The following MTERF4 variants were observed in gnomAD, a reference collection of about 807,000 sequenced individuals.
The protein encoded by MTERF4 is transcription termination factor 4, mitochondrial.
MTERF4 carries 17 observed loss-of-function variants against 22.5 expected under a neutral mutation model. That is an observed-to-expected ratio of 0.75 (90% CI 0.52 to 1.13). The LOEUF is 1.13. MTERF4 is among the 50% of genes most tolerant of loss of function. MTERF4 has a pLI of 0.00. For synonymous variants in MTERF4, 165 were observed against 175.3 expected, an observed-to-expected ratio of 0.94 and a Z score of 0.47; for missense variants, 420 against 466.8, an observed-to-expected ratio of 0.90 and a Z score of 0.92.
At chr2:241,069,366 C>T (rs182011918), downstream of MTERF4, among the ~76,000 whole-genome samples, 1 of 152,332 alleles carries the variant, frequency 6.6e-6, no homozygotes, top group Admixed American at 6.5e-5. This position sits in a 1 kb window ranked among gnomAD's most constrained non-coding sequence, Gnocchi z 4.9. Context: ...CCAGCCCCCT[C>T]TAGCTAAGCT....
the MTERF4 span, chr2:241,065,709 C>CT: frequency 8.9e-6 from 8 of 895,708 alleles, no homozygotes; most frequent in Non-Finnish European, 1.4e-5. Context: ...GTTCTTGCAG[C>CT]AGCAAGACAG....
the MTERF4 span, among the ~76,000 whole-genome samples, chr2:241,058,434 G>A: frequency 2.6e-5 from 4 of 152,030 alleles, no homozygotes; most frequent in African/African-American, 9.7e-5. Flanking sequence ...GAGGAATAAA[G>A]GTAAAAGCCA....
At chr2:241,094,015 T>G (rs1159284161), downstream of MTERF4, 3 of 257,510 alleles carry the variant, frequency 1.2e-5, no homozygotes, top group Non-Finnish European at 2.3e-5. This position sits in a 1 kb window ranked among gnomAD's most constrained non-coding sequence, Gnocchi z 4.3. Flanking sequence ...GTCCTCCGAC[T>G]GGGTACAACA....
the MTERF4 span, chr2:241,049,955 G>A: frequency 6.3e-7 from 1 of 1,586,438 alleles, no homozygotes; most frequent in East Asian, 2.2e-5. Flanking sequence ...AGGGGCGTCC[G>A]GGCCGGCGTC....
Position 241,076,531 on chromosome 2 carries a change from C to CTA in MTERF4, n.480-851_480-850dup, listed in dbSNP as rs907179204. On this transcript the variant is annotated intron_variant and non_coding_transcript_variant, in intron 4 of 4. Transcript: ENST00000464344. ...CTTGTCATACATTCTTTGGGGTTTT[C>CTA]TATATATATATAAAATCATATCCTT... Among the ~76,000 whole-genome samples the CTA allele has an allele frequency of 9.2e-5, 14 of 152,112 alleles. No individual in the cohort carries two copies. The East Asian group carries it at 1.7e-3, about 19-fold the overall frequency.
downstream of MTERF4, chr2:241,094,746 G>T: frequency 5.4e-6 from 1 of 185,354 alleles, no homozygotes; most frequent in Non-Finnish European, 1.1e-5. The surrounding 1 kb of genome is among the most constrained non-coding windows in gnomAD (Gnocchi z 4.3). Context: ...CAGCACCCCT[G>T]GCCTCTACCC....
At chr2:241,081,490 C>G (rs574864230) in intron 4 of MTERF4, among the ~76,000 whole-genome samples, 39 of 152,330 alleles carry the variant, frequency 2.6e-4, no homozygotes, top group African/African-American at 8.4e-4. Flanking sequence ...CACCTCTGCT[C>G]TCTCTCAACA....
At chr2:241,090,517 A>AT, downstream of MTERF4, 2 of 1,465,984 alleles carry the variant, frequency 1.4e-6, no homozygotes. Context: ...ATCAAGTATT[A>AT]TGTACTCTAC....
Position 241,102,257 on chromosome 2 carries a change from C to G in MTERF4, c.17G>C (p.Arg6Pro). The change falls in exon 1 of 4, where the codon CGT becomes CCT. Residue 6 changes from arginine (R) to proline (P), a missense_variant. Transcript: ENST00000391980. MAAFGRQVLDWHRLIP... is the reference protein window; with the variant it reads MAAFGPQVLDWHRLIP... ...GCGCGCCCAGCTCGAGCTTACCTGA[C>G]GGCCGAACGCAGCCATAGCGCGGAG... 6.5e-7 allele frequency: 1 copy of G among 1,549,382 alleles called. No individual in the cohort carries two copies. Among genetic ancestry groups the G allele is most frequent in the Non-Finnish European group, 8.7e-7 (1 of 1,146,100 alleles).
At chr2:241,092,278 G>A (rs1389802565), downstream of MTERF4, 1 of 152,176 alleles carries the variant, frequency 6.6e-6, no homozygotes, top group Non-Finnish European at 1.5e-5. The surrounding 1 kb of genome is among the most constrained non-coding windows in gnomAD (Gnocchi z 4.6). Flanking sequence ...AGACAACGGC[G>A]CGACTGGCAG....
Position 241,096,238 on chromosome 2 carries a change from C to G in MTERF4, c.906G>C (p.Leu302Phe), listed in dbSNP as rs1359866488. Residue 302 changes from leucine to phenylalanine, a missense_variant, in exon 4 of 4, where the codon TTG becomes TTC. Coordinates refer to ENST00000391980, the MANE Select transcript of MTERF4 (RefSeq NM_182501.4). The surrounding 1 kb of genome is among the most constrained non-coding windows in gnomAD (Gnocchi z 5.1). ...DILRVSEAEFLARTACTSVEE... is the reference protein window; with the variant it reads ...DILRVSEAEFFARTACTSVEE... ...CAACAGAAGTACAGGCTGTCCTGGC[C>G]AAAAACTCAGCTTCTGAAACTCTGA... The G allele has an allele frequency of 6.2e-7, 1 of 1,614,196 alleles. No homozygotes were observed.
At chr2:241,051,714 G>A in the MTERF4 span, 19 of 1,444,658 alleles carry the variant, frequency 1.3e-5, no homozygotes, top group Middle Eastern at 1.8e-4. This position sits in a 1 kb window ranked among gnomAD's most constrained non-coding sequence, Gnocchi z 4.7. Flanking sequence ...GCCTGGCCCC[G>A]TTCATCTGCC....
At chr2:241,053,124 C>G in the MTERF4 span, 2 of 1,593,882 alleles carry the variant, frequency 1.3e-6, no homozygotes, top group East Asian at 2.3e-5. Flanking sequence ...GGCACAGGAC[C>G]GTGCGAGACA....
chr2:241,082,210 G>T, downstream of MTERF4: 1 of 1,325,760 alleles, frequency 7.5e-7, no homozygotes, highest in Non-Finnish European at 1.1e-6. Context: ...CTTGGGCAAG[G>T]CCTCTCAAGA....
the MTERF4 span, among the ~76,000 whole-genome samples, chr2:241,055,071 C>T: frequency 1.1e-4 from 17 of 151,522 alleles, no homozygotes; most frequent in Admixed American, 3.9e-4. Flanking sequence ...GAGGTGAGAT[C>T]GTGCCACTGA....
At chr2:241,071,944 G>T (rs1430888774), downstream of MTERF4, 1 of 1,304,996 alleles carries the variant, frequency 7.7e-7, no homozygotes, top group African/African-American at 1.5e-5. Context: ...ACTCTCACCA[G>T]GTCCTGTCCC....
the MTERF4 span, among the ~76,000 whole-genome samples, chr2:241,043,898 G>A: frequency 2.0e-5 from 3 of 152,274 alleles, no homozygotes; most frequent in East Asian, 5.8e-4. Context: ...GATTTGGTCT[G>A]TGGGTTATAG....
In MTERF4 at chr2:241,081,216, A is replaced by C. The variant is rs148962501; in HGVS notation, n.480-5534T>G. ...TCTCTCTAGTGAGAGTTCACAGGAA[A>C]CACAGGGGTGGGATCAAGTGAGCAG... On this transcript the variant is annotated intron_variant and non_coding_transcript_variant, in intron 4 of 4. Coordinates refer to the MTERF4 transcript ENST00000464344. Among the ~76,000 whole-genome samples the C allele has an allele frequency of 9.7e-3, 1,473 of 152,254 alleles. 20 individuals carry two copies. Among genetic ancestry groups the C allele is most frequent in the African/African-American group, 0.033 (1,361 of 41,554 alleles).
At chr2:241,047,620 A>T in the MTERF4 span, among the ~76,000 whole-genome samples, 40 of 152,360 alleles carry the variant, frequency 2.6e-4, no homozygotes, top group African/African-American at 7.7e-4. Flanking sequence ...TAAACTAGAG[A>T]TCAGCAGAAA....
Sources: allele counts gnomAD v4.1 joint callset (sites outside exome capture counted in the v4.1 genomes callset), GRCh38; gene constraint gnomAD v4.1.1; non-coding constraint Gnocchi (gnomAD v3.1); transcripts MANE v1.5; gene names NCBI Gene and HGNC (gene_info 2026-07-23, HGNC 2026-07-21).